The following SCN1B variants were observed in gnomAD, a reference collection of about 807,000 sequenced individuals.
The protein encoded by SCN1B is sodium voltage-gated channel beta subunit 1.
A neutral mutation model predicts 25.7 loss-of-function variants in SCN1B; 11 were observed. The observed-to-expected ratio is 0.43, with a 90% CI of 0.27 to 0.71. The LOEUF (loss-of-function observed/expected upper bound fraction) is 0.71. Among genes scored for constraint, SCN1B ranks in the 30% least tolerant of loss-of-function variants. The probability of loss-of-function intolerance (pLI) is 0.21; values close to 1 mark genes in which losing one functional copy is unlikely to be tolerated. For missense variants in SCN1B, 224 were observed against 291.5 expected (o/e 0.77, Z 1.69); for synonymous variants, 119 against 117.5 (o/e 1.01, Z -0.08).
chr19:35,039,296 G>A (rs374606849), intron 4 of SCN1B, 38 bp downstream of exon 4: 11 of 1,607,060 alleles, frequency 6.8e-6, no homozygotes, highest in Middle Eastern at 1.7e-4. Context: ...GGCACCCAGG[G>A]CACCGTCACA....
chr19:35,039,466 C>T (rs2064270900), intron 4 of SCN1B, 169 bp from the exon 5 acceptor site: 1 of 974,330 alleles, frequency 1.0e-6, no homozygotes, highest in Admixed American at 2.1e-5. Flanking sequence ...GGAGCCCAGG[C>T]TCCCAGCCAG....
intron 3 of SCN1B, chr19:35,038,217 G>T (rs2064260036): frequency 6.6e-6 from 1 of 152,144 alleles, no homozygotes; most frequent in South Asian, 2.1e-4. Context: ...TCTAGGAGGG[G>T]GCCAGAGATG....
chr19:35,035,594 G>A (rs2064242917), intron 3 of SCN1B: 1 of 150,842 alleles, frequency 6.6e-6, no homozygotes, highest in African/African-American at 2.4e-5. Flanking sequence ...CGCCTGGCCT[G>A]AGCCTCTCTT....
Position 35,032,560 on chromosome 19 carries a change from G to C in SCN1B, c.73G>C (p.Asp25His). 6.2e-7 allele frequency: 1 copy of C among 1,614,024 alleles called. No individual in the cohort carries two copies. The highest frequency in any genetic ancestry group is 8.5e-7 in the Non-Finnish European group (1 of 1,180,044). ...AGCCTGCGGGGGCTGCGTGGAGGTG[G>C]ACTCGGAGACCGAGGCCGTGTATGG... ...SSACGGCVEV[D>H]SETEAVYGMT... The change falls in exon 2 of 6, where the codon GAC becomes CAC. Residue 25 changes from aspartate (D) to histidine (H), a missense_variant. Asp to His is a moderately conservative substitution (Grantham distance 81, BLOSUM62 -1). Coordinates refer to ENST00000262631, the MANE Select transcript of SCN1B (RefSeq NM_001037.5). The surrounding 1 kb of genome is among the most constrained non-coding windows in gnomAD (Gnocchi z 4.3).
intron 3 of SCN1B, chr19:35,038,575 G>C (rs2064262106): frequency 1.0e-5 from 2 of 193,476 alleles, no homozygotes; most frequent in Non-Finnish European, 2.2e-5. Context: ...GCCGGGATTT[G>C]AACCCTGGCA....
rs267607029 is a variant in SCN1B at position 35,033,828 on chromosome 19, G to A, written c.448+89G>A. ...GGCAGGCAGTGGACAGGACAGGCTGGCTCTGTGCCTGGCCAGCCAACCGCC... is the reference window on the plus strand; with the variant it reads ...GGCAGGCAGTGGACAGGACAGGCTGACTCTGTGCCTGGCCAGCCAACCGCC... On this transcript the variant is annotated intron_variant, in intron 3 of 5. Transcript: ENST00000262631. 6.2e-7 allele frequency: 1 copy of A among 1,612,526 alleles called. No individual in the cohort carries two copies. Among genetic ancestry groups the A allele is most frequent in the Non-Finnish European group, 8.5e-7 (1 of 1,179,526 alleles).
Position 35,034,060 on chromosome 19 carries a change from G to A in SCN1B, c.448+321G>A, listed in dbSNP as rs72558028. The A allele has an allele frequency of 2.2e-3, 3,357 of 1,549,766 alleles. 4 individuals are homozygous for A. Among genetic ancestry groups the A allele is most frequent in the Non-Finnish European group, 2.6e-3 (2,952 of 1,145,240 alleles). On this transcript the variant is annotated intron_variant, in intron 3 of 5. Transcript: ENST00000262631. ...CCAAAGGGTTGTCCTGGGCTTGCCCGGGATAATAATCCGATGTGTTTCTCG... is the reference window on the plus strand; with the variant it reads ...CCAAAGGGTTGTCCTGGGCTTGCCCAGGATAATAATCCGATGTGTTTCTCG...
At chr19:35,038,688 A>C (rs1245686153) in intron 3 of SCN1B, 1 of 274,486 alleles carries the variant, frequency 3.6e-6, no homozygotes, top group East Asian at 9.1e-5. Flanking sequence ...AGTGCCATTT[A>C]TAGATCAAGC....
At position 35,030,567 on chromosome 19, in the gene SCN1B, C is replaced by A. The variant is rs1300997313; in HGVS notation, c.-254C>A. 4.0e-5 allele frequency: 6 copies of A among 149,922 alleles called. No individual in the cohort carries two copies. The South Asian group carries it at 8.8e-4, about 22-fold the overall frequency. 9.3% of individuals were successfully genotyped at this position (149,922 alleles called of 1,614,324 possible). A position where few individuals can be genotyped will look rare whatever the true frequency, so the allele number is the denominator to read the frequency against. On this transcript the variant is annotated 5_prime_UTR_variant, in exon 1 of 6. Transcript: ENST00000262631. ...GGATGTGCCCGGCTGCGCGCGCCAG[C>A]GCAGCAGCCCGAGCAGCGGCCGCCG...
intron 4 of SCN1B, 49 bp downstream of exon 4, chr19:35,039,307 C>T (rs1568352117): frequency 6.2e-7 from 1 of 1,605,356 alleles, no homozygotes; most frequent in East Asian, 2.2e-5. Context: ...CACCGTCACA[C>T]TTGCCAGAGA....
At chr19:35,036,096 G>A (rs1379341969) in intron 3 of SCN1B, 1 of 150,176 alleles carries the variant, frequency 6.7e-6, no homozygotes, top group African/African-American at 2.5e-5. Flanking sequence ...TTGAACTCCT[G>A]GCCTCAAATA....
chr19:35,034,280 C>G (rs2064235129), intron 3 of SCN1B: 1 of 1,079,106 alleles, frequency 9.3e-7, no homozygotes, highest in African/African-American at 1.6e-5. Context: ...TTCCGCACAC[C>G]CCTCTGCACT....
chr19:35,034,890 CTG>C (rs943383644), intron 3 of SCN1B: 1 of 152,248 alleles, frequency 6.6e-6, no homozygotes, highest in Non-Finnish European at 1.5e-5. Flanking sequence ...GCATGATTCA[CTG>C]TACTCTGTGA....
Position 35,032,317 on chromosome 19 carries a change from C to T in SCN1B, c.41-211C>T, listed in dbSNP as rs2151745891. 6.6e-6 allele frequency among the ~76,000 whole-genome samples: 1 copy of T among 152,320 alleles called. No homozygotes were observed. Among genetic ancestry groups the T allele is most frequent in the Admixed American group, 6.5e-5 (1 of 15,302 alleles). On this transcript the variant is annotated intron_variant, in intron 1 of 5. Coordinates refer to ENST00000262631, the MANE Select transcript of SCN1B (RefSeq NM_001037.5). The surrounding 1 kb of genome is among the most constrained non-coding windows in gnomAD (Gnocchi z 4.3). Reference sequence around the variant, plus strand: ...AAATGGGCCCAGCCATTGCTGGAAGCAAAGGACCATTTCTTTCAACAAGAG... The same window carrying T: ...AAATGGGCCCAGCCATTGCTGGAAGTAAAGGACCATTTCTTTCAACAAGAG...
chr19:35,035,541 C>T (rs2064242594), intron 3 of SCN1B: 1 of 152,222 alleles, frequency 6.6e-6, no homozygotes, highest in Non-Finnish European at 1.5e-5. Context: ...GATCCACCTG[C>T]CTTGGCCTCC....
intron 3 of SCN1B, chr19:35,034,587 C>T (rs2064236887): frequency 5.8e-6 from 1 of 173,898 alleles, no homozygotes; most frequent in Admixed American, 5.4e-5. Flanking sequence ...CAGCCCAGGC[C>T]TTGAAGCAGC....
In SCN1B at chr19:35,032,815, T is replaced by C; in HGVS notation, c.207+121T>C. 1 of 1,231,278 alleles carries C rather than the reference T, an allele frequency of 8.1e-7. No individual in the cohort carries two copies. Among genetic ancestry groups the C allele is most frequent in the Non-Finnish European group, 1.2e-6 (1 of 866,262 alleles). The allele number at this position is 1,231,278 out of a possible 1,614,324, so 76.3% of individuals were successfully genotyped here. On this transcript the variant is annotated intron_variant, in intron 2 of 5. Coordinates refer to ENST00000262631, the MANE Select transcript of SCN1B (RefSeq NM_001037.5). This position sits in a 1 kb window ranked among gnomAD's most constrained non-coding sequence, Gnocchi z 4.3. ...ATATGCTGTGATTGCTGACCTGGAT[T>C]CAGATTCTGGCTCCACCAGTGGCCA...
In SCN1B at chr19:35,039,856, GC is replaced by G; in HGVS notation, c.*70del. ...AATGGGGACTCTCCAGGCACCGCCTGCCCCCAGCGTGGGGGTGGCCACTCCT... is the reference window on the plus strand; with the variant it reads ...AATGGGGACTCTCCAGGCACCGCCTGCCCCAGCGTGGGGGTGGCCACTCCT... On this transcript the variant is annotated 3_prime_UTR_variant, in exon 6 of 6. Transcript: ENST00000262631. The G allele has an allele frequency of 5.0e-6, 4 of 793,078 alleles. No homozygotes were observed. Among genetic ancestry groups the G allele is most frequent in the South Asian group, 1.7e-5 (1 of 60,492 alleles). The allele number at this position is 793,078 out of a possible 1,614,324, so 49.1% of individuals were successfully genotyped here.
rs750396627 is a variant in SCN1B at position 35,033,831 on chromosome 19, C to A, written c.448+92C>A. The A allele has an allele frequency of 2.1e-5, 34 of 1,612,396 alleles. No homozygotes were observed. The highest frequency in any genetic ancestry group is 2.8e-5 in the Non-Finnish European group (33 of 1,179,446). The stretch of plus-strand genomic sequence containing the variant: ...AGGCAGTGGACAGGACAGGCTGGCT[C>A]TGTGCCTGGCCAGCCAACCGCCCAC... On this transcript the variant is annotated intron_variant, in intron 3 of 5. Coordinates refer to ENST00000262631, the MANE Select transcript of SCN1B (RefSeq NM_001037.5).
Sources: allele counts gnomAD v4.1 joint callset (sites outside exome capture counted in the v4.1 genomes callset), GRCh38; gene constraint gnomAD v4.1.1; non-coding constraint Gnocchi (gnomAD v3.1); transcripts MANE v1.5; gene names NCBI Gene and HGNC (gene_info 2026-07-23, HGNC 2026-07-21).